Variants in ZBTB20 observed in about 807,000 individuals in gnomAD.
ZBTB20 encodes zinc finger and BTB domain containing 20, also known as zinc finger and BTB domain-containing protein 20.
In ZBTB20, 9 loss-of-function variants were observed where a neutral mutation model predicts 56.9. The ratio of observed to expected loss-of-function variants is 0.16; its 90% CI spans 0.10 to 0.28. The LOEUF (loss-of-function observed/expected upper bound fraction) is 0.28. ZBTB20 is among the 10% of genes least tolerant of loss of function. The pLI, the probability that ZBTB20 is intolerant of heterozygous loss-of-function variation, is 1.00. For synonymous variants in ZBTB20, 417 were observed against 420.7 expected, an observed-to-expected ratio of 0.99 and a Z score of 0.11; for missense variants, 655 against 1,003.0, an observed-to-expected ratio of 0.65 and a Z score of 4.69.
chr3:114,874,392 C>G (rs2076118630), intron 4 of ZBTB20, among the ~76,000 whole-genome samples: 1 of 152,150 alleles, frequency 6.6e-6, no homozygotes, highest in African/African-American at 2.4e-5. Context: ...CTTAAGGGAG[C>G]ACCATCATGA....
chr3:114,843,437 A>T (rs2074483722), intron 4 of ZBTB20, among the ~76,000 whole-genome samples: 1 of 152,132 alleles, frequency 6.6e-6, no homozygotes, highest in East Asian at 1.9e-4. Context: ...AATTACGCAA[A>T]TCTGCCCAAG....
chr3:114,430,694 C>T (rs1477110660), intron 7 of ZBTB20, among the ~76,000 whole-genome samples: 5 of 152,020 alleles, frequency 3.3e-5, no homozygotes, highest in Admixed American at 3.3e-4. Flanking sequence ...AGTTATCATG[C>T]AAAAATTAAT....
intron 5 of ZBTB20, among the ~76,000 whole-genome samples, chr3:114,753,413 G>GTATATATATATA (rs67371620): frequency 8.4e-5 from 4 of 47,598 alleles, no homozygotes; most frequent in African/African-American, 2.1e-4. Flanking sequence ...ATACACACAC[G>GTATATATATATA]TATATATATA....
intron 2 of ZBTB20, among the ~76,000 whole-genome samples, chr3:114,985,970 C>T (rs1038368369): frequency 1.3e-5 from 2 of 152,092 alleles, no homozygotes; most frequent in Admixed American, 1.3e-4. Flanking sequence ...TGGCTGTACT[C>T]CAATAAAACT....
chr3:114,970,908 G>T (rs2077852693), intron 3 of ZBTB20, among the ~76,000 whole-genome samples: 2 of 152,028 alleles, frequency 1.3e-5, no homozygotes, highest in Admixed American at 6.5e-5. Flanking sequence ...CCAGCTACTT[G>T]GGAGGCTAAG....
At chr3:114,604,620 C>T (rs530301990) in intron 6 of ZBTB20, among the ~76,000 whole-genome samples, 1 of 152,000 alleles carries the variant, frequency 6.6e-6, no homozygotes, top group South Asian at 2.1e-4. Flanking sequence ...TCCTGAGCTC[C>T]ATAAATTTCT....
At position 114,471,358 on chromosome 3, in the gene ZBTB20, C is replaced by T. The variant is rs550918513; in HGVS notation, c.-255+28994G>A. Among the ~76,000 whole-genome samples the T allele has an allele frequency of 3.3e-5, 5 of 152,226 alleles. No individual in the cohort carries two copies. In the East Asian group the frequency reaches 9.6e-4, roughly 29 times the overall value. ...GTCACATGACTAGTGGCATTTTACT[C>T]CAGAGCTTTGCTTTTTGTACTTTGC... On this transcript the variant is annotated intron_variant, in intron 7 of 11. Coordinates refer to ENST00000675478, the MANE Select transcript of ZBTB20 (RefSeq NM_001348800.3).
At position 114,330,140 on chromosome 3, in the gene ZBTB20, A is replaced by T. The variant is rs1576194528; in HGVS notation, c.*8865T>A. The T allele has an allele frequency of 6.6e-6, 1 of 152,266 alleles. No homozygotes were observed. The highest frequency in any genetic ancestry group is 1.5e-5 in the Non-Finnish European group (1 of 68,044). 9.4% of individuals were successfully genotyped at this position (152,266 alleles called of 1,614,324 possible). A position where few individuals can be genotyped will look rare whatever the true frequency, so the allele number is the denominator to read the frequency against. On this transcript the variant is annotated 3_prime_UTR_variant, in exon 12 of 12. Coordinates refer to ENST00000675478, the MANE Select transcript of ZBTB20 (RefSeq NM_001348800.3). ...TTTGTATTAGTCACACCAACAAAAAAGTTTCAAAAAAAGTTTTCACTTTCC... is the reference window on the plus strand; with the variant it reads ...TTTGTATTAGTCACACCAACAAAAATGTTTCAAAAAAAGTTTTCACTTTCC...
intron 1 of ZBTB20, among the ~76,000 whole-genome samples, chr3:115,080,516 G>A (rs1249855029): frequency 1.3e-5 from 2 of 152,194 alleles, no homozygotes; most frequent in Non-Finnish European, 2.9e-5. Context: ...AGCCTGTTTA[G>A]TATAGTAAGG....
intron 2 of ZBTB20, among the ~76,000 whole-genome samples, chr3:115,018,983 T>A (rs1203049887): frequency 6.6e-6 from 1 of 151,284 alleles, no homozygotes; most frequent in Non-Finnish European, 1.5e-5. Flanking sequence ...AGAAGTTGCT[T>A]GACAATTTTA....
chr3:114,969,012 C>G (rs181945982), intron 3 of ZBTB20, among the ~76,000 whole-genome samples: 6 of 152,280 alleles, frequency 3.9e-5, no homozygotes, highest in Admixed American at 3.9e-4. Context: ...ACCGTAGACT[C>G]AATTCCCTAA....
chr3:114,790,616 T>TTACAAA, intron 5 of ZBTB20, among the ~76,000 whole-genome samples: 2 of 151,972 alleles, frequency 1.3e-5, no homozygotes, highest in Non-Finnish European at 2.9e-5. Flanking sequence ...TTACAAATTT[T>TTACAAA]ACTAAAAGTA....
chr3:114,792,542 T>G (rs1347950251), intron 5 of ZBTB20, among the ~76,000 whole-genome samples: 1 of 152,190 alleles, frequency 6.6e-6, no homozygotes. Flanking sequence ...TTATGTATAC[T>G]GATGCCCCAC....
intron 5 of ZBTB20, among the ~76,000 whole-genome samples, chr3:114,757,641 CA>C (rs1183170507): frequency 2.6e-5 from 4 of 152,120 alleles, no homozygotes; most frequent in Non-Finnish European, 5.9e-5. Context: ...GAATGTGATC[CA>C]GTGGGAATTA....
At chr3:114,785,425 A>G (rs1360387383) in intron 5 of ZBTB20, among the ~76,000 whole-genome samples, 1 of 152,196 alleles carries the variant, frequency 6.6e-6, no homozygotes, top group Non-Finnish European at 1.5e-5. Context: ...AGAACACGGT[A>G]GCTGAAATAA....
intron 5 of ZBTB20, among the ~76,000 whole-genome samples, chr3:114,758,028 A>T (rs547018017): frequency 3.3e-5 from 5 of 152,140 alleles, no homozygotes; most frequent in African/African-American, 4.8e-5. Flanking sequence ...ATAGTTATTA[A>T]AAGCCAAAAG....
intron 6 of ZBTB20, among the ~76,000 whole-genome samples, chr3:114,568,964 G>C (rs913453589): frequency 6.6e-6 from 1 of 152,006 alleles, no homozygotes. Context: ...TAGCCCACCT[G>C]GCCTTGCCTT....
intron 2 of ZBTB20, among the ~76,000 whole-genome samples, chr3:114,997,700 G>A (rs2079083353): frequency 6.6e-6 from 1 of 151,676 alleles, no homozygotes; most frequent in Admixed American, 6.6e-5. Flanking sequence ...TAGAATTAGT[G>A]TTCAAAACAT....
At chr3:114,361,902 G>C (rs891139540) in intron 10 of ZBTB20, among the ~76,000 whole-genome samples, 2 of 152,192 alleles carry the variant, frequency 1.3e-5, no homozygotes, top group African/African-American at 4.8e-5. Context: ...CCACTGTGGA[G>C]GGCATCTGTA....
Sources: allele counts gnomAD v4.1 joint callset (sites outside exome capture counted in the v4.1 genomes callset), GRCh38; gene constraint gnomAD v4.1.1; transcripts MANE v1.5; gene names NCBI Gene and HGNC (gene_info 2026-07-23, HGNC 2026-07-21).